Variants in CARF observed in about 807,000 individuals in gnomAD.
CARF encodes the protein calcium responsive transcription factor, also known as calcium-responsive transcription factor.
CARF carries 57 observed loss-of-function variants against 82.0 expected under a neutral mutation model. The observed-to-expected ratio is 0.70, with a 90% confidence interval of 0.56 to 0.87. The LOEUF is 0.87. Among genes scored for constraint, CARF ranks in the 40% least tolerant of loss-of-function variants. The probability of loss-of-function intolerance (pLI) is 0.00; values close to 1 mark genes in which losing one functional copy is unlikely to be tolerated. For synonymous variants in CARF, 268 were observed against 290.1 expected (o/e 0.92, Z 0.77); for missense variants, 771 against 855.8 (o/e 0.90, Z 1.24).
intron 4 of CARF, chr2:202,942,491 A>ATC: frequency 1.4e-6 from 1 of 727,410 alleles, no homozygotes; most frequent in Non-Finnish European, 1.7e-6. Flanking sequence ...ACAGAGAAAA[A>ATC]TCTATAGGTT....
rs186086783 is a variant in CARF, at chr2:202,967,155, A to T, written c.953+57A>T. On this transcript the variant is annotated intron_variant, in intron 10 of 16. Coordinates refer to ENST00000438828, the MANE Select transcript of CARF (RefSeq NM_024744.17). ...TTAAGAACTTATTTTTGAATAGCTA[A>T]TACACATATTTTTATTAGGTTTATA... is the stretch of plus-strand genomic sequence containing the variant. The T allele has an allele frequency of 8.3e-6, 13 of 1,562,230 alleles. No homozygotes were observed. In the African/African-American group the frequency reaches 1.5e-4, roughly 18 times the overall value.
At chr2:202,930,996 C>T (rs1345571960) in intron 3 of CARF, among the ~76,000 whole-genome samples, 5 of 106,710 alleles carry the variant, frequency 4.7e-5, no homozygotes, top group East Asian at 5.5e-4. Flanking sequence ...TTTTTGGCAA[C>T]GGAGTTTCAC....
At chr2:202,927,942 G>T (rs1340088466) in intron 3 of CARF, among the ~76,000 whole-genome samples, 1 of 152,012 alleles carries the variant, frequency 6.6e-6, no homozygotes, top group Non-Finnish European at 1.5e-5. Flanking sequence ...AGGACTACGG[G>T]TGTACACCAC....
chr2:202,969,047 T>C (rs2059667961), intron 10 of CARF, among the ~76,000 whole-genome samples: 3 of 152,286 alleles, frequency 2.0e-5, no homozygotes, highest in Admixed American at 6.5e-5. Context: ...CCCAGAACTT[T>C]GGGAGGCTGT....
chr2:202,971,823 C>A, intron 12 of CARF, 85 bp downstream of exon 12: 2 of 885,830 alleles, frequency 2.3e-6, no homozygotes, highest in South Asian at 1.6e-5. Context: ...AGATATTTTC[C>A]AAAATATATG....
At chr2:202,964,918 T>C (rs2059487348) in intron 9 of CARF, among the ~76,000 whole-genome samples, 1 of 149,706 alleles carries the variant, frequency 6.7e-6, no homozygotes, top group Admixed American at 6.7e-5. Context: ...CACACATACA[T>C]ATATGAGAAT....
chr2:202,921,160 C>T (rs962402573), intron 2 of CARF, among the ~76,000 whole-genome samples: 1 of 152,132 alleles, frequency 6.6e-6, no homozygotes, highest in Non-Finnish European at 1.5e-5. Context: ...TGCCACCGTG[C>T]CCGGCTCATT....
At position 202,954,086 on chromosome 2, in the gene CARF, T is replaced by C; in HGVS notation, c.509T>C (p.Ile170Thr). ...CTAGCAGACAATACCAGCAATTACATTCTTCATCCTCAAACATCCTTCCCA... is the reference window on the plus strand; with the variant it reads ...CTAGCAGACAATACCAGCAATTACACTCTTCATCCTCAAACATCCTTCCCA... ...DTLADNTSNY[I>T]LHPQTSFPLP... The change falls in exon 7 of 17, where the codon ATT becomes ACT. Residue 170 changes from isoleucine (I) to threonine (T), a missense_variant. By Grantham distance (89) the Ile-to-Thr change is moderately conservative. Transcript: ENST00000438828. The C allele has an allele frequency of 6.2e-7, 1 of 1,613,714 alleles. No individual in the cohort carries two copies. Among genetic ancestry groups the C allele is most frequent in the Non-Finnish European group, 8.5e-7 (1 of 1,179,836 alleles).
At chr2:202,954,243 G>C in intron 7 of CARF, 109 bp downstream of exon 7, 1 of 1,253,872 alleles carries the variant, frequency 8.0e-7, no homozygotes, top group Non-Finnish European at 1.1e-6. Flanking sequence ...AAGATAGAAG[G>C]AACTATCATT....
At chr2:202,970,195 T>G in intron 11 of CARF, 133 bp downstream of exon 11, 1 of 783,956 alleles carries the variant, frequency 1.3e-6, no homozygotes, top group East Asian at 3.1e-5. Flanking sequence ...ATATCAATAG[T>G]TCCCTAGGTA....
chr2:202,922,011 A>T (rs1453741268), intron 2 of CARF, among the ~76,000 whole-genome samples: 1 of 151,444 alleles, frequency 6.6e-6, no homozygotes, highest in Non-Finnish European at 1.5e-5. Context: ...TTTTTTTTCA[A>T]TAGAGACAGA....
In CARF at chr2:202,987,542, G is replaced by A. The variant is rs2060486313; in HGVS notation, c.*3918G>A. Among the ~76,000 whole-genome samples the A allele has an allele frequency of 6.6e-6, 1 of 151,962 alleles. No individual in the cohort carries two copies. The highest frequency in any genetic ancestry group is 2.1e-4 in the South Asian group (1 of 4,820). On this transcript the variant is annotated 3_prime_UTR_variant, in exon 17 of 17. Coordinates refer to ENST00000438828, the MANE Select transcript of CARF (RefSeq NM_024744.17). The stretch of plus-strand genomic sequence containing the variant: ...TTCTACTTAATTAACTTAGTCATAA[G>A]GACAAAGCCTTAGTATATTTTTGCC...
chr2:202,927,230 G>A (rs545557871), intron 3 of CARF, among the ~76,000 whole-genome samples: 4 of 151,990 alleles, frequency 2.6e-5, no homozygotes, highest in African/African-American at 9.6e-5. Flanking sequence ...CTGTTTCATT[G>A]AATTACATCC....
At chr2:202,939,335 T>G (rs2058104166) in intron 3 of CARF, among the ~76,000 whole-genome samples, 1 of 152,218 alleles carries the variant, frequency 6.6e-6, no homozygotes, top group Admixed American at 6.5e-5. Flanking sequence ...GCATTACATC[T>G]GGATAAACCC....
Position 202,982,459 on chromosome 2 carries a change from TATG to T in CARF, c.2059+22_2059+24del. ...AGCTCTTAGTAAGTTGAAATCAATT[TATG>T]ATGTTATTGTTGTAACCTTTGTGGA... On this transcript the variant is annotated intron_variant, in intron 16 of 16. Coordinates refer to ENST00000438828, the MANE Select transcript of CARF (RefSeq NM_024744.17). 1 of 1,612,616 alleles carries T rather than the reference TATG, an allele frequency of 6.2e-7. No homozygotes were observed. Among genetic ancestry groups the T allele is most frequent in the Non-Finnish European group, 8.5e-7 (1 of 1,179,312 alleles).
chr2:202,913,859 G>T (rs1689108865), intron 1 of CARF, among the ~76,000 whole-genome samples: 1 of 152,114 alleles, frequency 6.6e-6, no homozygotes, highest in Non-Finnish European at 1.5e-5. Context: ...ATCTTAATTT[G>T]ATTTGAAAAT....
At chr2:202,944,776 C>T (rs2058410132) in intron 5 of CARF, among the ~76,000 whole-genome samples, 1 of 137,750 alleles carries the variant, frequency 7.3e-6, no homozygotes, top group South Asian at 2.5e-4. Flanking sequence ...TCTATCAGAA[C>T]ATTTAGAAAG....
intron 3 of CARF, among the ~76,000 whole-genome samples, chr2:202,940,023 CTTTGTTTGTTTG>C (rs566558494): frequency 2.6e-5 from 4 of 151,060 alleles, no homozygotes; most frequent in Non-Finnish European, 5.9e-5. Flanking sequence ...TTCATTGTTT[CTTTGTTTGTTTG>C]TTTGTTTGTT....
At chr2:202,917,236 A>AAAAAC (rs1689893086) in intron 1 of CARF, among the ~76,000 whole-genome samples, 2 of 149,966 alleles carry the variant, frequency 1.3e-5, no homozygotes, top group Admixed American at 6.6e-5. Flanking sequence ...AAAAAAAAAA[A>AAAAAC]GCGCTGAGCT....
Sources: gnomAD v4.1 joint callset for allele counts (sites outside exome capture counted in the v4.1 genomes callset) on GRCh38, gnomAD v4.1.1 for gene constraint, MANE v1.5 for transcripts, NCBI Gene and HGNC (gene_info 2026-07-23, HGNC 2026-07-21) for gene names.